PRKD3: variants seen among roughly 807,000 people sequenced by gnomAD.
PRKD3 encodes the protein serine/threonine-protein kinase D3.
A neutral mutation model predicts 99.2 loss-of-function variants in PRKD3; 47 were observed. That is an observed-to-expected ratio of 0.47 (90% CI 0.38 to 0.60). PRKD3 has a LOEUF of 0.60. Ranked by LOEUF, PRKD3 falls within the 20% of genes least tolerant of loss-of-function variation. The pLI is 0.00. For missense variants in PRKD3, 1,019 were observed against 1,088.4 expected (o/e 0.94, Z 0.90); for synonymous variants, 392 against 355.4 (o/e 1.10, Z -1.16).
rs1432892680 is a variant in PRKD3 at position 37,274,714 on chromosome 2, A to C, written c.1375-17T>G. The C allele has an allele frequency of 6.2e-7, 1 of 1,602,766 alleles. No homozygotes were observed. Among genetic ancestry groups the C allele is most frequent in the South Asian group, 1.1e-5 (1 of 90,572 alleles). ...TGGAATTTCCTGAAGTAAAAAATTA[A>C]GCATTGAAAAATAAGAATAGATCTT... On this transcript the variant is annotated splice_polypyrimidine_tract_variant and intron_variant, in intron 10 of 18. Transcript: ENST00000234179.
chr2:37,268,737 G>C (rs1669013679), intron 13 of PRKD3: 1 of 164,108 alleles, frequency 6.1e-6, no homozygotes, highest in African/African-American at 2.4e-5. Context: ...CAAAGGGTAT[G>C]GAGGCATGTA....
chr2:37,281,119 G>C (rs1029723693), intron 7 of PRKD3, among the ~76,000 whole-genome samples: 7 of 152,112 alleles, frequency 4.6e-5, no homozygotes, highest in African/African-American at 1.7e-4. Context: ...AGTGGTGGTA[G>C]GGATGTAGAG....
intron 8 of PRKD3, chr2:37,279,190 T>C (rs530683828): frequency 7.2e-5 from 11 of 152,312 alleles, no homozygotes; most frequent in African/African-American, 2.6e-4. Flanking sequence ...TAGTATATCA[T>C]TTAGGCTACA....
At chr2:37,262,811 G>A (rs543757887) in intron 14 of PRKD3, among the ~76,000 whole-genome samples, 9 of 152,014 alleles carry the variant, frequency 5.9e-5, no homozygotes, top group African/African-American at 2.2e-4. Flanking sequence ...GTTTTAGTAA[G>A]TTATACTTTC....
intron 12 of PRKD3, 95 bp downstream of exon 12, chr2:37,272,285 T>C: frequency 6.5e-7 from 1 of 1,538,944 alleles, no homozygotes; most frequent in Non-Finnish European, 8.7e-7. Flanking sequence ...CCTAGTACTT[T>C]GGGCGATGAA....
At chr2:37,304,165 C>T (rs1283850905) in intron 2 of PRKD3, among the ~76,000 whole-genome samples, 1 of 150,290 alleles carries the variant, frequency 6.7e-6, no homozygotes. Context: ...CTCCTGAATC[C>T]CCAAGCACTT....
chr2:37,285,872 G>A (rs992876508), intron 6 of PRKD3, among the ~76,000 whole-genome samples: 7 of 152,016 alleles, frequency 4.6e-5, no homozygotes, highest in African/African-American at 1.7e-4. Context: ...GTAGTTAATA[G>A]TAATAGTAAC....
rs752913764 is a variant in PRKD3 at position 37,256,775 on chromosome 2, T to TAG, written c.2298_2299dup (p.Tyr767SerfsTer3). On this transcript the variant is annotated frameshift_variant, in exon 17 of 19. Transcript: ENST00000234179. LOFTEE classifies it high-confidence loss of function. ...AGGAAATGTGCCACTGAGGCTCACA[T>TAG]AGATGATAACTCCCACTGACCACAT... 6.2e-7 allele frequency: 1 copy of TAG among 1,613,678 alleles called. No individual in the cohort carries two copies. Among genetic ancestry groups the TAG allele is most frequent in the Admixed American group, 1.7e-5 (1 of 59,936 alleles).
intron 2 of PRKD3, among the ~76,000 whole-genome samples, chr2:37,303,802 G>A (rs1014718797): frequency 3.3e-5 from 5 of 152,114 alleles, no homozygotes; most frequent in East Asian, 1.9e-4. Context: ...GGAAACGATC[G>A]AAGTTTAACA....
chr2:37,276,394 A>C (rs1669572054), intron 9 of PRKD3, among the ~76,000 whole-genome samples: 1 of 152,156 alleles, frequency 6.6e-6, no homozygotes, highest in African/African-American at 2.4e-5. Flanking sequence ...ATTTCAGTGA[A>C]AGGTTAAAGT....
chr2:37,256,627 A>ATTTTTTTT (rs1385820838), intron 17 of PRKD3, 35 bp downstream of exon 17: 2 of 1,247,288 alleles, frequency 1.6e-6, no homozygotes, highest in East Asian at 2.7e-5. Context: ...ACATAGCCAA[A>ATTTTTTTT]ATTTTTTTTT....
intron 9 of PRKD3, 67 bp downstream of exon 9, chr2:37,277,799 A>T (rs2148546506): frequency 6.6e-7 from 1 of 1,517,284 alleles, no homozygotes; most frequent in East Asian, 2.3e-5. Flanking sequence ...TTTTGATTTA[A>T]AAAATGCACA....
intron 12 of PRKD3, 75 bp downstream of exon 12, chr2:37,272,305 C>G: frequency 6.4e-7 from 1 of 1,562,452 alleles, no homozygotes; most frequent in Non-Finnish European, 8.6e-7. Flanking sequence ...ACCAATTTCT[C>G]TAATAAAGAT....
chr2:37,298,384 T>A (rs1020400218), intron 2 of PRKD3, among the ~76,000 whole-genome samples: 1 of 150,948 alleles, frequency 6.6e-6, no homozygotes, highest in Non-Finnish European at 1.5e-5. Context: ...CACTTAGCAA[T>A]ATAGAGATCA....
rs1395979845 is a variant in PRKD3, at chr2:37,282,700, CACAA to C, written c.911-85_911-82del. The stretch of plus-strand genomic sequence containing the variant: ...ATGGTTAGACTTTCTTTAAATCACT[CACAA>C]ACAGAATATTATTAGTAATGATGAT... On this transcript the variant is annotated intron_variant, in intron 6 of 18. Coordinates refer to ENST00000234179, the MANE Select transcript of PRKD3 (RefSeq NM_005813.6). 70 of 962,142 alleles carry C rather than the reference CACAA, an allele frequency of 7.3e-5. No homozygotes were observed. The East Asian group carries it at 1.4e-3, about 19-fold the overall frequency. 59.6% of individuals were successfully genotyped at this position (962,142 alleles called of 1,614,324 possible).
chr2:37,308,545 C>G (rs1671270171), intron 2 of PRKD3, among the ~76,000 whole-genome samples: 1 of 150,516 alleles, frequency 6.6e-6, no homozygotes, highest in African/African-American at 2.5e-5. Flanking sequence ...CCCTCCCCAC[C>G]CAGAGTTCAA....
At chr2:37,269,472 G>A (rs1669073120) in intron 13 of PRKD3, 143 bp downstream of exon 13, 7 of 676,444 alleles carry the variant, frequency 1.0e-5, no homozygotes, top group Non-Finnish European at 1.0e-5. Flanking sequence ...CAGTGAGAAG[G>A]ATTTAGCTGA....
Position 37,252,557 on chromosome 2 carries a change from AATCAC to A in PRKD3, c.*615_*619del, listed in dbSNP as rs1667579965. On this transcript the variant is annotated 3_prime_UTR_variant, in exon 19 of 19. Transcript: ENST00000234179. Reference sequence around the variant, plus strand: ...GCAGAGCAACTCCAAAAAGGTTAGGAATCACTATTTTGGAGTCTTGATTGACCTAA... The same window carrying A: ...GCAGAGCAACTCCAAAAAGGTTAGGATATTTTGGAGTCTTGATTGACCTAA... 3 of 152,262 alleles carry A rather than the reference AATCAC, an allele frequency of 2.0e-5. No homozygotes were observed. The South Asian group carries it at 6.2e-4, about 32-fold the overall frequency. 9.4% of individuals were successfully genotyped at this position (152,262 alleles called of 1,614,324 possible).
intron 1 of PRKD3, among the ~76,000 whole-genome samples, chr2:37,319,046 T>C (rs1414265179): frequency 6.6e-6 from 1 of 152,232 alleles, no homozygotes; most frequent in African/African-American, 2.4e-5. Flanking sequence ...AGCTTACATT[T>C]ATTAAGCTCT....
Sources: allele counts gnomAD v4.1 joint callset (sites outside exome capture counted in the v4.1 genomes callset), GRCh38; gene constraint gnomAD v4.1.1; transcripts MANE v1.5; gene names NCBI Gene and HGNC (gene_info 2026-07-23, HGNC 2026-07-21).